Variants in CADM2 observed in about 807,000 individuals in gnomAD.
The protein encoded by CADM2 is cell adhesion molecule 2.
Under a neutral mutation model 49.8 loss-of-function variants are expected in CADM2, and 12 were observed. That is an observed-to-expected ratio of 0.24 (90% CI 0.15 to 0.39). CADM2 has a LOEUF of 0.39. Ranked by LOEUF, CADM2 falls within the 10% of genes least tolerant of loss-of-function variation. The pLI, the probability that CADM2 is intolerant of heterozygous loss-of-function variation, is 1.00. For missense variants in CADM2, 378 were observed against 492.3 expected, an observed-to-expected ratio of 0.77 and a Z score of 2.20; for synonymous variants, 214 against 175.4, an observed-to-expected ratio of 1.22 and a Z score of -1.74.
chr3:85,530,302 CAGTT>C (rs1175174574), intron 1 of CADM2, among the ~76,000 whole-genome samples: 2 of 144,608 alleles, frequency 1.4e-5, no homozygotes, highest in South Asian at 2.2e-4. Flanking sequence ...AACTGTGAGT[CAGTT>C]AGACTTCTTT....
At chr3:85,637,045 C>T (rs2064510376) in intron 1 of CADM2, among the ~76,000 whole-genome samples, 1 of 151,670 alleles carries the variant, frequency 6.6e-6, no homozygotes, top group South Asian at 2.1e-4. Context: ...GAATAACTAA[C>T]AATTATCCTG....
chr3:85,430,651 A>G (rs373549984), intron 1 of CADM2, among the ~76,000 whole-genome samples: 2 of 149,502 alleles, frequency 1.3e-5, no homozygotes, highest in Non-Finnish European at 3.0e-5. Flanking sequence ...AGAGGAGAAA[A>G]ACAGAAAGAG....
In CADM2 at chr3:85,729,117, AT is replaced by A. The variant is rs370126319; in HGVS notation, c.88+2576del. Among the ~76,000 whole-genome samples the A allele has an allele frequency of 5.9e-5, 9 of 152,032 alleles. No individual in the cohort carries two copies. The South Asian group carries it at 1.9e-3, about 32-fold the overall frequency. ...GTGGTTTCTCAATCCTCATATTGCTATTTTTTTCCTGATGAACATATTATAT... is the reference window on the plus strand; with the variant it reads ...GTGGTTTCTCAATCCTCATATTGCTATTTTTTCCTGATGAACATATTATAT... On this transcript the variant is annotated intron_variant, in intron 2 of 9. Coordinates refer to ENST00000383699, the MANE Select transcript of CADM2 (RefSeq NM_001167675.2).
In CADM2 at chr3:85,202,142, C is replaced by T. The variant is rs2041520701; in HGVS notation, c.61+242474C>T. ...CAAGTTTTATCATGATAAGTTGCAG[C>T]AATTCAGTCACATCTTCAGGCTTTA... On this transcript the variant is annotated intron_variant, in intron 1 of 9. Transcript: ENST00000383699. 4.7e-5 allele frequency among the ~76,000 whole-genome samples: 7 copies of T among 149,386 alleles called. No homozygotes were observed. In the South Asian group the frequency reaches 1.5e-3, roughly 32 times the overall value.
At chr3:85,124,772 A>G (rs1241258364) in intron 1 of CADM2, among the ~76,000 whole-genome samples, 1 of 152,206 alleles carries the variant, frequency 6.6e-6, no homozygotes, top group African/African-American at 2.4e-5. Flanking sequence ...ATTCAGCAAC[A>G]TCATCCAACC....
At chr3:85,625,606 G>A (rs575610108) in intron 1 of CADM2, among the ~76,000 whole-genome samples, 48 of 152,114 alleles carry the variant, frequency 3.2e-4, no homozygotes, top group Admixed American at 2.6e-3. Flanking sequence ...TCACTCTTCT[G>A]AAAATATATT....
chr3:85,868,371 T>C (rs568516138), intron 3 of CADM2, among the ~76,000 whole-genome samples: 1 of 152,208 alleles, frequency 6.6e-6, no homozygotes, highest in Non-Finnish European at 1.5e-5. Context: ...AAATCTATGA[T>C]GACAGTTTTC....
chr3:85,770,468 C>T (rs2107948681), intron 2 of CADM2, among the ~76,000 whole-genome samples: 1 of 152,102 alleles, frequency 6.6e-6, no homozygotes, highest in Non-Finnish European at 1.5e-5. Context: ...CATGCACTAC[C>T]ACCACTAGCT....
intron 8 of CADM2, among the ~76,000 whole-genome samples, chr3:85,973,166 T>C (rs968047197): frequency 3.3e-5 from 5 of 151,752 alleles, no homozygotes; most frequent in Non-Finnish European, 7.4e-5. Context: ...TACTATTGCC[T>C]ATCTACTGGT....
intron 2 of CADM2, among the ~76,000 whole-genome samples, chr3:85,754,814 C>CA (rs1349971246): frequency 1.3e-5 from 2 of 151,570 alleles, no homozygotes; most frequent in South Asian, 4.2e-4. Flanking sequence ...AACATTTTAA[C>CA]AAAAAAACAA....
At chr3:85,963,135 A>C (rs1725048064) in intron 8 of CADM2, among the ~76,000 whole-genome samples, 1 of 151,930 alleles carries the variant, frequency 6.6e-6, no homozygotes, top group African/African-American at 2.4e-5. Context: ...TTCAAGTTGC[A>C]TTATTGTATA....
chr3:84,970,595 A>G (rs1489731287), intron 1 of CADM2, among the ~76,000 whole-genome samples: 10 of 152,140 alleles, frequency 6.6e-5, no homozygotes, highest in Admixed American at 3.3e-4. Flanking sequence ...ATTTACCTGA[A>G]TGCCAGGTGC....
intron 1 of CADM2, among the ~76,000 whole-genome samples, chr3:85,336,215 C>T (rs1400929271): frequency 2.0e-5 from 3 of 151,498 alleles, no homozygotes; most frequent in African/African-American, 4.8e-5. Flanking sequence ...AGTGGAACCC[C>T]ATGTTTTTTA....
chr3:85,669,824 G>A (rs541122480), intron 1 of CADM2, among the ~76,000 whole-genome samples: 10 of 152,056 alleles, frequency 6.6e-5, no homozygotes, highest in African/African-American at 2.4e-4. Context: ...GGCAAACAAT[G>A]CACACTCTTT....
chr3:85,006,400 TCTC>T (rs1385947746), intron 1 of CADM2, among the ~76,000 whole-genome samples: 2 of 151,978 alleles, frequency 1.3e-5, no homozygotes, highest in African/African-American at 2.4e-5. Flanking sequence ...TAGTTCCTCT[TCTC>T]CTAGCAGCAT....
At position 85,071,027 on chromosome 3, in the gene CADM2, T is replaced by TAAAC. The variant is rs1553679042; in HGVS notation, c.61+111362_61+111363insCAAA. On this transcript the variant is annotated intron_variant, in intron 1 of 9. Transcript: ENST00000383699. ...ATAAATAAATAAATAAATAAACAAA[T>TAAAC]AAATAAATAAATAAAATACTTATTA... is the stretch of plus-strand genomic sequence containing the variant. 1.4e-3 allele frequency among the ~76,000 whole-genome samples: 151 copies of TAAAC among 110,374 alleles called. 1 individual carries two copies. The highest frequency in any genetic ancestry group is 9.4e-3 in the Middle Eastern group (2 of 212). The allele number at this position is 110,374 out of a possible 152,430, so 72.4% of individuals were successfully genotyped here. A position where few individuals can be genotyped will look rare whatever the true frequency, so the allele number is the denominator to read the frequency against.
chr3:85,292,846 C>T lies in CADM2; in HGVS notation c.61+333178C>T, dbSNP rs536751989. Among the ~76,000 whole-genome samples, 36 of 152,064 alleles carry T rather than the reference C, an allele frequency of 2.4e-4. No homozygotes were observed. The South Asian group carries it at 7.1e-3, about 30-fold the overall frequency. ...CCCACAAGAGAAAGCAGGAAAGATCCAAAACTGACACCCTAACATCACAAT... is the reference window on the plus strand; with the variant it reads ...CCCACAAGAGAAAGCAGGAAAGATCTAAAACTGACACCCTAACATCACAAT... On this transcript the variant is annotated intron_variant, in intron 1 of 9. Transcript: ENST00000383699.
intron 3 of CADM2, among the ~76,000 whole-genome samples, chr3:85,802,834 T>G (rs1206887819): frequency 6.6e-6 from 1 of 152,056 alleles, no homozygotes; most frequent in Non-Finnish European, 1.5e-5. Context: ...CAACTAAAAA[T>G]GCACACAAAT....
intron 1 of CADM2, among the ~76,000 whole-genome samples, chr3:85,455,649 T>A (rs553907694): frequency 6.6e-6 from 1 of 152,322 alleles, no homozygotes; most frequent in African/African-American, 2.4e-5. Context: ...TTGAAATTCT[T>A]ACTTAATATC....
Sources: gnomAD v4.1 joint callset for allele counts (sites outside exome capture counted in the v4.1 genomes callset) on GRCh38, gnomAD v4.1.1 for gene constraint, MANE v1.5 for transcripts, NCBI Gene and HGNC (gene_info 2026-07-23, HGNC 2026-07-21) for gene names.